The following CLIC6 variants were observed in gnomAD, a reference collection of about 807,000 sequenced individuals.
The protein encoded by CLIC6 is chloride intracellular channel protein 6.
Under a neutral mutation model 49.2 loss-of-function variants are expected in CLIC6, and 39 were observed. The observed-to-expected ratio is 0.79, with a 90% CI of 0.61 to 1.04. CLIC6 has a LOEUF of 1.04. Among genes scored for constraint, CLIC6 ranks in the 50% least tolerant of loss-of-function variants. CLIC6 has a pLI of 0.00. For missense variants in CLIC6, 988 were observed against 993.1 expected, an observed-to-expected ratio of 0.99 and a Z score of 0.07; for synonymous variants, 446 against 433.4, an observed-to-expected ratio of 1.03 and a Z score of -0.36.
intron 2 of CLIC6, 38 bp from the exon 3 acceptor site, chr21:34,707,906 A>G (rs6517253): frequency 0.98 from 1,582,091 of 1,611,248 alleles, 776,814 homozygotes; most frequent in East Asian, 1. Context: ...CCAGATTCTC[A>G]CGGTGGCCCA....
At chr21:34,679,709 G>T (rs1280843321) in intron 1 of CLIC6, among the ~76,000 whole-genome samples, 1 of 152,184 alleles carries the variant, frequency 6.6e-6, no homozygotes, top group Non-Finnish European at 1.5e-5. Context: ...AAAACAGAGG[G>T]GCTACAGGTC....
In CLIC6 at chr21:34,707,314, C is replaced by T. The variant is rs138955121; in HGVS notation, c.1409C>T (p.Pro470Leu). 10 of 1,614,016 alleles carry T rather than the reference C, an allele frequency of 6.2e-6. No individual in the cohort carries two copies. Among genetic ancestry groups the T allele is most frequent in the South Asian group, 2.2e-5 (2 of 91,076 alleles). Residue 470 changes from proline (P) to leucine (L), a missense_variant, in exon 2 of 6, where the codon CCG (proline) becomes CTG (leucine). By Grantham distance (98) the Pro-to-Leu change is moderately conservative. Around this residue, in one of 3 missense-constraint regions of CLIC6, gnomAD observed 647 missense variants for 596.9 expected, o/e 1.08. Transcript: ENST00000349499. ...GATGGTGAGAGTATCGGAAATTGCC[C>T]GTTTTCTCAGCGTCTCTTTATGATT... ...GYDGESIGNC[P>L]FSQRLFMILW...
At chr21:34,715,866 T>G (rs1001268322) in intron 5 of CLIC6, among the ~76,000 whole-genome samples, 1 of 152,206 alleles carries the variant, frequency 6.6e-6, no homozygotes, top group Admixed American at 6.5e-5. Flanking sequence ...AGGATTAACA[T>G]GCACAGATGT....
At chr21:34,705,604 G>A (rs1001612579) in intron 1 of CLIC6, among the ~76,000 whole-genome samples, 36 of 152,182 alleles carry the variant, frequency 2.4e-4, no homozygotes, top group African/African-American at 8.7e-4. Flanking sequence ...AGGGGAGAGT[G>A]GGAGAGGATG....
At chr21:34,671,626 T>G (rs1989568934) in intron 1 of CLIC6, among the ~76,000 whole-genome samples, 1 of 152,180 alleles carries the variant, frequency 6.6e-6, no homozygotes, top group Non-Finnish European at 1.5e-5. Context: ...AAAAAGCCTT[T>G]TCTGAGGACC....
chr21:34,705,369 G>A (rs1035858487), intron 1 of CLIC6, among the ~76,000 whole-genome samples: 5 of 152,150 alleles, frequency 3.3e-5, no homozygotes, highest in African/African-American at 1.2e-4. Flanking sequence ...GGTGGCCTTC[G>A]AAATGGCCAT....
intron 1 of CLIC6, among the ~76,000 whole-genome samples, chr21:34,672,684 C>A (rs1989587735): frequency 6.6e-6 from 1 of 152,192 alleles, no homozygotes; most frequent in South Asian, 2.1e-4. Context: ...CGGCTAGCTG[C>A]TGGATAGTGT....
intron 3 of CLIC6, among the ~76,000 whole-genome samples, chr21:34,708,468 G>A (rs1285848450): frequency 6.6e-6 from 1 of 152,170 alleles, no homozygotes; most frequent in East Asian, 1.9e-4. Context: ...GTGGGGTCCT[G>A]TGTCCCAGAA....
chr21:34,685,029 C>T (rs900237515), intron 1 of CLIC6, among the ~76,000 whole-genome samples: 2 of 152,174 alleles, frequency 1.3e-5, no homozygotes, highest in African/African-American at 4.8e-5. Flanking sequence ...GGGAGACTCT[C>T]CACTGGAGAG....
In CLIC6 at chr21:34,710,672, G is replaced by A. The variant is rs138663268; in HGVS notation, c.1899+1134G>A. On this transcript the variant is annotated intron_variant, in intron 5 of 5. Coordinates refer to ENST00000349499, the MANE Select transcript of CLIC6 (RefSeq NM_053277.3). ...ACTAAAAATACAAAAAATTAGCCAG[G>A]TGTGGTGGCGGGCACCTGTACTCCC... Among the ~76,000 whole-genome samples the A allele has an allele frequency of 8.4e-3, 1,285 of 152,236 alleles. 21 individuals carry two copies. Among genetic ancestry groups the A allele is most frequent in the African/African-American group, 0.029 (1,212 of 41,524 alleles).
chr21:34,677,041 T>C, intron 1 of CLIC6, among the ~76,000 whole-genome samples: 1 of 152,186 alleles, frequency 6.6e-6, no homozygotes, highest in Non-Finnish European at 1.5e-5. Context: ...ATGCTTTTTG[T>C]CAGCCCTTTT....
intron 1 of CLIC6, among the ~76,000 whole-genome samples, chr21:34,673,117 G>C (rs1442284556): frequency 6.6e-6 from 1 of 152,146 alleles, no homozygotes; most frequent in Admixed American, 6.5e-5. Flanking sequence ...CTCAAATACT[G>C]CTTGGGAGGA....
Position 34,701,163 on chromosome 21 carries a change from G to A in CLIC6, c.1375-6117G>A, listed in dbSNP as rs537439819. Among the ~76,000 whole-genome samples, 14 of 146,608 alleles carry A rather than the reference G, an allele frequency of 9.5e-5. No homozygotes were observed. In the South Asian group the frequency reaches 2.9e-3, roughly 30 times the overall value. On this transcript the variant is annotated intron_variant, in intron 1 of 5. Transcript: ENST00000349499. ...TAAAAATACAAAAAATTAGCCGGGCGCGGTGGCGGGCGCCTGTAGTCCCAG... is the reference window on the plus strand; with the variant it reads ...TAAAAATACAAAAAATTAGCCGGGCACGGTGGCGGGCGCCTGTAGTCCCAG...
intron 1 of CLIC6, among the ~76,000 whole-genome samples, chr21:34,670,995 G>T (rs1989554661): frequency 6.6e-6 from 1 of 151,650 alleles, no homozygotes; most frequent in Non-Finnish European, 1.5e-5. Context: ...GGGTGGGGGC[G>T]ACGGGGAGTG....
intron 1 of CLIC6, among the ~76,000 whole-genome samples, chr21:34,673,806 A>T (rs1989614002): frequency 6.6e-6 from 1 of 152,254 alleles, no homozygotes; most frequent in Non-Finnish European, 1.5e-5. Context: ...TTGATGTAAA[A>T]TCTGGAAATT....
At chr21:34,675,620 G>A (rs1032675510) in intron 1 of CLIC6, among the ~76,000 whole-genome samples, 1 of 152,184 alleles carries the variant, frequency 6.6e-6, no homozygotes, top group Non-Finnish European at 1.5e-5. Context: ...AACAGGTGGA[G>A]CATGATGTTT....
At chr21:34,706,999 GC>G (rs2056018888) in intron 1 of CLIC6, among the ~76,000 whole-genome samples, 1 of 152,176 alleles carries the variant, frequency 6.6e-6, no homozygotes, top group African/African-American at 2.4e-5. Context: ...CTGCTCAGAG[GC>G]CCAGTGTGGC....
At position 34,670,497 on chromosome 21, in the gene CLIC6, A is replaced by C. The variant is rs1989534207; in HGVS notation, c.1109A>C (p.Asp370Ala). 1 of 1,493,432 alleles carries C rather than the reference A, an allele frequency of 6.7e-7. No homozygotes were observed. Among genetic ancestry groups the C allele is most frequent in the Non-Finnish European group, 8.9e-7 (1 of 1,121,362 alleles). 92.5% of individuals were successfully genotyped at this position (1,493,432 alleles called of 1,614,324 possible). ...GDGPQQEPGE[D>A]EERRERSPEG... ...GGGCCACAGCAGGAGCCGGGGGAGG[A>C]CGAAGAGAGACGAGAGCGGAGCCCG... Residue 370 changes from aspartate (D) to alanine (A), a missense_variant, in exon 1 of 6, where the codon GAC (aspartate) becomes GCC (alanine). Asp to Ala is a moderately radical substitution (Grantham distance 126). This residue lies in a region of CLIC6 where 647 missense variants were observed against 596.9 expected (regional missense o/e 1.08). Transcript: ENST00000349499.
rs1163519454 is a variant in CLIC6, at chr21:34,707,337, A to G, written c.1432A>G (p.Ile478Val). Residue 478 changes from isoleucine (I) to valine (V), a missense_variant, in exon 2 of 6, where the codon ATT (isoleucine) becomes GTT (valine). Physicochemically the swap from Ile to Val is conservative, Grantham distance 29. Coordinates refer to ENST00000349499, the MANE Select transcript of CLIC6 (RefSeq NM_053277.3). ...NCPFSQRLFM[I>V]LWLKGVIFNV... ...CCCGTTTTCTCAGCGTCTCTTTATG[A>G]TTCTCTGGCTGAAAGGCGTTATATT... 6.2e-7 allele frequency: 1 copy of G among 1,613,606 alleles called. No individual in the cohort carries two copies. The highest frequency in any genetic ancestry group is 1.7e-5 in the Admixed American group (1 of 59,930).
Sources: allele counts gnomAD v4.1 joint callset (sites outside exome capture counted in the v4.1 genomes callset), GRCh38; gene constraint gnomAD v4.1.1; regional missense constraint gnomAD v4.1.1; transcripts MANE v1.5; gene names NCBI Gene and HGNC (gene_info 2026-07-23, HGNC 2026-07-21).